Variants in TCEANC2 observed in about 807,000 individuals in gnomAD.
The protein encoded by TCEANC2 is transcription elongation factor A N-terminal and central domain containing 2, also known as transcription elongation factor A N-terminal and central domain-containing protein 2.
A neutral mutation model predicts 22.8 loss-of-function variants in TCEANC2; 20 were observed. The ratio of observed to expected loss-of-function variants is 0.88; its 90% confidence interval spans 0.62 to 1.28. The LOEUF is 1.28. Ranked by LOEUF, TCEANC2 falls within the 50% of genes most tolerant of loss-of-function variation. The pLI, the probability that TCEANC2 is intolerant of heterozygous loss-of-function variation, is 0.00. For missense variants in TCEANC2, 251 were observed against 249.7 expected, an observed-to-expected ratio of 1.01 and a Z score of -0.03; for synonymous variants, 84 against 95.5, an observed-to-expected ratio of 0.88 and a Z score of 0.70.
chr1:54,071,636 G>A (rs1364250257), intron 3 of TCEANC2, among the ~76,000 whole-genome samples: 3 of 152,116 alleles, frequency 2.0e-5, no homozygotes, highest in African/African-American at 2.4e-5. Flanking sequence ...GACCAACGCC[G>A]ATACAGTTTG....
At chr1:54,083,654 T>C (rs868579194) in intron 3 of TCEANC2, among the ~76,000 whole-genome samples, 1 of 152,102 alleles carries the variant, frequency 6.6e-6, no homozygotes, top group Non-Finnish European at 1.5e-5. Context: ...GTGAGACTCT[T>C]ATGAAGGGAA....
At chr1:54,083,097 G>C (rs1658276175) in intron 3 of TCEANC2, among the ~76,000 whole-genome samples, 1 of 152,176 alleles carries the variant, frequency 6.6e-6, no homozygotes. Flanking sequence ...GGTTGAAAGA[G>C]ACAGTGGATC....
downstream of TCEANC2, among the ~76,000 whole-genome samples, chr1:54,106,420 T>A (rs1297416408): frequency 1.3e-5 from 2 of 152,204 alleles, no homozygotes; most frequent in Non-Finnish European, 2.9e-5. Flanking sequence ...ATTTTAATAA[T>A]ATATTTTGAG....
At chr1:54,089,522 A>T (rs7518669) in intron 4 of TCEANC2, among the ~76,000 whole-genome samples, 2 of 152,236 alleles carry the variant, frequency 1.3e-5, no homozygotes, top group Non-Finnish European at 2.9e-5. Flanking sequence ...TCATCAAACA[A>T]CAAATCTTAT....
chr1:54,110,494 C>T (rs968272848), downstream of TCEANC2, among the ~76,000 whole-genome samples: 2 of 151,920 alleles, frequency 1.3e-5, no homozygotes, highest in African/African-American at 4.8e-5. Context: ...GTCCCAGCTA[C>T]TTGGGAGGCT....
chr1:54,087,154 T>A (rs1658353240), intron 3 of TCEANC2, among the ~76,000 whole-genome samples: 1 of 152,176 alleles, frequency 6.6e-6, no homozygotes, highest in South Asian at 2.1e-4. Context: ...AATAAAAAAT[T>A]AAAAAATATA....
intron 3 of TCEANC2, among the ~76,000 whole-genome samples, chr1:54,074,458 G>A (rs958658946): frequency 1.3e-5 from 2 of 151,028 alleles, no homozygotes; most frequent in East Asian, 1.9e-4. Context: ...CCGAGACTCC[G>A]TCTCAAAAAA....
intron 2 of TCEANC2, among the ~76,000 whole-genome samples, chr1:54,064,648 T>TA (rs1432582937): frequency 6.8e-6 from 1 of 147,606 alleles, no homozygotes. Flanking sequence ...CCTGTGCAAA[T>TA]AAAGACTAGG....
intron 4 of TCEANC2, 29 bp downstream of exon 4, chr1:54,088,819 T>C (rs373695230): frequency 2.0e-4 from 285 of 1,452,194 alleles, no homozygotes; most frequent in Non-Finnish European, 2.3e-4. Context: ...ACAACTGTTA[T>C]GTACCCATAA....
At chr1:54,091,514 TA>T (rs1224784261) in intron 4 of TCEANC2, among the ~76,000 whole-genome samples, 1 of 152,130 alleles carries the variant, frequency 6.6e-6, no homozygotes, top group Non-Finnish European at 1.5e-5. Flanking sequence ...TACATTTTTG[TA>T]GAAAAAAAAT....
chr1:54,065,726 T>TAC (rs2100359768), intron 2 of TCEANC2, among the ~76,000 whole-genome samples: 1 of 147,722 alleles, frequency 6.8e-6, no homozygotes, highest in African/African-American at 2.5e-5. Flanking sequence ...AATATATATA[T>TAC]ATATAAGGGT....
chr1:54,072,023 G>A (rs1379606772), intron 3 of TCEANC2, among the ~76,000 whole-genome samples: 85 of 152,094 alleles, frequency 5.6e-4, no homozygotes, highest in Non-Finnish European at 2.9e-5. Context: ...AGTTGCCCAG[G>A]GTGGTCTCAA....
At chr1:54,084,290 G>A (rs372128663) in intron 3 of TCEANC2, among the ~76,000 whole-genome samples, 7 of 152,172 alleles carry the variant, frequency 4.6e-5, no homozygotes, top group East Asian at 3.9e-4. Flanking sequence ...TGGGGTTACA[G>A]ACGCTAGCTG....
Position 54,088,534 on chromosome 1 carries a change from G to A in TCEANC2, c.245-63G>A, listed in dbSNP as rs545647467. 1.1e-3 allele frequency: 1,513 copies of A among 1,403,268 alleles called. 1 individual carries two copies. The highest frequency in any genetic ancestry group is 1.3e-3 in the Non-Finnish European group (1,353 of 1,027,842). The allele number at this position is 1,403,268 out of a possible 1,614,324, so 86.9% of individuals were successfully genotyped here. On this transcript the variant is annotated intron_variant, in intron 3 of 4. Transcript: ENST00000234827. The stretch of plus-strand genomic sequence containing the variant: ...TCAGTGCCACACGTCAGTCCATCTA[G>A]TCCTGCGCTTCTCAGAAGAAGATGT...
rs547805393 is a variant in TCEANC2 at position 54,098,592 on chromosome 1, G to A, written c.*2119G>A. 3 of 152,272 alleles carry A rather than the reference G, an allele frequency of 2.0e-5. No homozygotes were observed. In the South Asian group the frequency reaches 6.2e-4, roughly 32 times the overall value. The allele number at this position is 152,272 out of a possible 1,614,324, so 9.4% of individuals were successfully genotyped here. On this transcript the variant is annotated 3_prime_UTR_variant, in exon 5 of 5. Transcript: ENST00000234827. ...TTGTCTATCTCCCCACTCCCAGAAT[G>A]TAAGCTTCATGAAAGCAGAGTCTCT...
intron 2 of TCEANC2, among the ~76,000 whole-genome samples, chr1:54,058,968 T>C (rs1351352145): frequency 3.9e-5 from 6 of 152,042 alleles, no homozygotes. Flanking sequence ...TGCTGTTCTT[T>C]GTATAAGCTC....
chr1:54,064,774 A>G (rs1657917884), intron 2 of TCEANC2, among the ~76,000 whole-genome samples: 2 of 135,580 alleles, frequency 1.5e-5, no homozygotes, highest in African/African-American at 5.7e-5. Context: ...ATCTCGGCTC[A>G]CTGCACCCTC....
rs1658593291 is a variant in TCEANC2, at chr1:54,098,087, C to T, written c.*1614C>T. Reference sequence around the variant, plus strand: ...CTCTCATGTTTTCAAGCATCATTTACATGCTGATGACATTCCAGTTTGTAT... The same window carrying T: ...CTCTCATGTTTTCAAGCATCATTTATATGCTGATGACATTCCAGTTTGTAT... On this transcript the variant is annotated 3_prime_UTR_variant, in exon 5 of 5. Transcript: ENST00000234827. The T allele has an allele frequency of 6.6e-6, 1 of 152,216 alleles. No individual in the cohort carries two copies. The highest frequency in any genetic ancestry group is 6.5e-5 in the Admixed American group (1 of 15,280). 9.4% of individuals were successfully genotyped at this position (152,216 alleles called of 1,614,324 possible). A position where few individuals can be genotyped will look rare whatever the true frequency, so the allele number is the denominator to read the frequency against.
At position 54,100,962 on chromosome 1, in the gene TCEANC2, T is replaced by G. The variant is rs956799875; in HGVS notation, c.*4489T>G. On this transcript the variant is annotated 3_prime_UTR_variant, in exon 5 of 5. Transcript: ENST00000234827. Reference sequence around the variant, plus strand: ...ACTTGAGATTCAGTCAATTAGAGGTTTTTTTTTTTTGACAAATGAAGTTTA... The same window carrying G: ...ACTTGAGATTCAGTCAATTAGAGGTGTTTTTTTTTTGACAAATGAAGTTTA... The G allele has an allele frequency of 6.7e-6, 1 of 149,882 alleles. No homozygotes were observed. Among genetic ancestry groups the G allele is most frequent in the Non-Finnish European group, 1.5e-5 (1 of 67,202 alleles). The allele number at this position is 149,882 out of a possible 1,614,324, so 9.3% of individuals were successfully genotyped here.
Sources: gnomAD v4.1 joint callset for allele counts (sites outside exome capture counted in the v4.1 genomes callset) on GRCh38, gnomAD v4.1.1 for gene constraint, MANE v1.5 for transcripts, NCBI Gene and HGNC (gene_info 2026-07-23, HGNC 2026-07-21) for gene names.